SLC24A4: variants seen among roughly 807,000 people sequenced by gnomAD.
SLC24A4 encodes solute carrier family 24 member 4.
In SLC24A4, 53 loss-of-function variants were observed where a neutral mutation model predicts 79.0. The observed-to-expected ratio is 0.67, with a 90% CI of 0.54 to 0.84. The LOEUF (loss-of-function observed/expected upper bound fraction) is 0.84. Ranked by LOEUF, SLC24A4 falls within the 40% of genes least tolerant of loss-of-function variation. The pLI is 0.00. For synonymous variants in SLC24A4, 323 were observed against 323.8 expected (o/e 1.00, Z 0.03); for missense variants, 731 against 822.0 (o/e 0.89, Z 1.35).
intron 12 of SLC24A4, among the ~76,000 whole-genome samples, chr14:92,476,123 G>A (rs1223524932): frequency 6.6e-6 from 1 of 152,200 alleles, no homozygotes; most frequent in Non-Finnish European, 1.5e-5. Flanking sequence ...TGTGGCGTTT[G>A]TATATACCCG....
At chr14:92,347,135 C>T (rs533852277) in intron 2 of SLC24A4, among the ~76,000 whole-genome samples, 1 of 152,298 alleles carries the variant, frequency 6.6e-6, no homozygotes, top group South Asian at 2.1e-4. Flanking sequence ...AGTAGAGGCC[C>T]TTCAGCGGGT....
chr14:92,404,037 T>C (rs1161986870), intron 2 of SLC24A4, among the ~76,000 whole-genome samples: 1 of 152,202 alleles, frequency 6.6e-6, no homozygotes, highest in African/African-American at 2.4e-5. Context: ...CAGGCTTCAC[T>C]CTGGGCTTGC....
chr14:92,460,551 G>GCC (rs1315874135), intron 12 of SLC24A4, among the ~76,000 whole-genome samples: 2 of 152,292 alleles, frequency 1.3e-5, no homozygotes, highest in East Asian at 1.9e-4. Context: ...CCAGGCACCT[G>GCC]TTATGTGCCA....
At chr14:92,348,720 A>G (rs1383259844) in intron 2 of SLC24A4, among the ~76,000 whole-genome samples, 1 of 152,198 alleles carries the variant, frequency 6.6e-6, no homozygotes, top group Non-Finnish European at 1.5e-5. Context: ...CAGAATCAGT[A>G]TGCTCATGGT....
chr14:92,430,365 T>G (rs1338250498), intron 2 of SLC24A4, among the ~76,000 whole-genome samples: 1 of 152,232 alleles, frequency 6.6e-6, no homozygotes, highest in Non-Finnish European at 1.5e-5. Flanking sequence ...CGGGCAGCAC[T>G]AATTCAGAGC....
Position 92,493,616 on chromosome 14 carries a change from G to A in SLC24A4, c.1857G>A (p.Arg619=), listed in dbSNP as rs772555378. The change falls in exon 17 of 17, where the codon CGG becomes CGA. Residue 619 remains arginine (R), a synonymous_variant. Coordinates refer to ENST00000532405, the MANE Select transcript of SLC24A4 (RefSeq NM_153646.4). ...CCTTCGTCAACTTGCCGATGTGCCG[G>A]GAAGACGATTAGCGCTGAGTCGCGG... The part of the protein sequence containing the change: ...VFTFVNLPMC[R]EDD 1 of 1,614,148 alleles carries A rather than the reference G, an allele frequency of 6.2e-7. No individual in the cohort carries two copies. Among genetic ancestry groups the A allele is most frequent in the South Asian group, 1.1e-5 (1 of 91,060 alleles).
At chr14:92,388,555 C>G (rs974266280) in intron 2 of SLC24A4, among the ~76,000 whole-genome samples, 3 of 152,230 alleles carry the variant, frequency 2.0e-5, no homozygotes, top group Non-Finnish European at 4.4e-5. Flanking sequence ...TGGTTCGCCT[C>G]TCCCTCCTGG....
chr14:92,477,694 G>C (rs1314946953), intron 12 of SLC24A4, among the ~76,000 whole-genome samples: 1 of 151,618 alleles, frequency 6.6e-6, no homozygotes, highest in African/African-American at 2.4e-5. Context: ...GCCTCAACCA[G>C]TCCTCCCACC....
At chr14:92,334,866 CCATCATCAT>C (rs747888649) in intron 2 of SLC24A4, among the ~76,000 whole-genome samples, 2 of 151,354 alleles carry the variant, frequency 1.3e-5, no homozygotes. Context: ...GTGGTAGCTG[CCATCATCAT>C]CATCATCATC....
intron 2 of SLC24A4, among the ~76,000 whole-genome samples, chr14:92,367,394 AG>A (rs1365699663): frequency 2.6e-5 from 4 of 152,258 alleles, no homozygotes; most frequent in Non-Finnish European, 5.9e-5. Flanking sequence ...GAGGGAGGCC[AG>A]GGTTGCCTGG....
At chr14:92,443,350 C>A (rs971255594) in intron 6 of SLC24A4, 50 bp from the exon 7 acceptor site, 4 of 1,588,710 alleles carry the variant, frequency 2.5e-6, no homozygotes, top group Non-Finnish European at 3.5e-6. Flanking sequence ...AGCTGCACCC[C>A]CTCCCCGCTT....
rs538828281 is a variant in SLC24A4 at position 92,343,386 on chromosome 14, C to T, written c.241+17408C>T. On this transcript the variant is annotated intron_variant, in intron 2 of 16. Transcript: ENST00000532405. ...GACAAAGGAAGAAGCAGTTTGCAGA[C>T]GTACCAGAGATTCCCCATCACCCTC... Among the ~76,000 whole-genome samples, 9 of 152,260 alleles carry T rather than the reference C, an allele frequency of 5.9e-5. No individual in the cohort carries two copies. In the South Asian group the frequency reaches 6.2e-4, roughly 11 times the overall value.
intron 2 of SLC24A4, among the ~76,000 whole-genome samples, chr14:92,350,446 A>G (rs1886802873): frequency 1.3e-5 from 2 of 152,178 alleles, no homozygotes; most frequent in African/African-American, 4.8e-5. Flanking sequence ...AGTCAAGATC[A>G]AGCAAACAGG....
chr14:92,357,745 A>G (rs1887262052), intron 2 of SLC24A4, among the ~76,000 whole-genome samples: 1 of 152,220 alleles, frequency 6.6e-6, no homozygotes, highest in African/African-American at 2.4e-5. Context: ...GAAGATGGAA[A>G]GAGTTCTGGC....
At chr14:92,393,492 C>T (rs900256126) in intron 2 of SLC24A4, among the ~76,000 whole-genome samples, 2 of 150,752 alleles carry the variant, frequency 1.3e-5, no homozygotes, top group African/African-American at 2.4e-5. Context: ...CAGGTCTGGT[C>T]GCACATCCAA....
intron 2 of SLC24A4, among the ~76,000 whole-genome samples, chr14:92,396,113 C>T (rs949565089): frequency 2.0e-5 from 3 of 152,248 alleles, no homozygotes; most frequent in Non-Finnish European, 4.4e-5. Context: ...CGTGAGCCAT[C>T]GCGCCTCACC....
chr14:92,450,963 C>T (rs1893101294), intron 10 of SLC24A4: 1 of 152,170 alleles, frequency 6.6e-6, no homozygotes, highest in Non-Finnish European at 1.5e-5. Flanking sequence ...ACTGCTGTGA[C>T]TGTCTCCATC....
intron 7 of SLC24A4, among the ~76,000 whole-genome samples, chr14:92,444,319 C>T (rs553182592): frequency 4.6e-5 from 7 of 152,118 alleles, no homozygotes; most frequent in South Asian, 2.1e-4. Context: ...TTGGTTCCCT[C>T]CCACACAAAA....
chr14:92,358,544 C>T (rs1419910779), intron 2 of SLC24A4, among the ~76,000 whole-genome samples: 1 of 146,612 alleles, frequency 6.8e-6, no homozygotes. Context: ...CTCCCAGACA[C>T]CTCCTCCTGG....
Sources: gnomAD v4.1 joint callset for allele counts (sites outside exome capture counted in the v4.1 genomes callset) on GRCh38, gnomAD v4.1.1 for gene constraint, MANE v1.5 for transcripts, NCBI Gene and HGNC (gene_info 2026-07-23, HGNC 2026-07-21) for gene names.